Variants in STPG2 observed in about 807,000 individuals in gnomAD.
STPG2 encodes sperm tail PG-rich repeat containing 2, also known as sperm-tail PG-rich repeat-containing protein 2.
STPG2 carries 56 observed loss-of-function variants against 54.2 expected under a neutral mutation model. The observed-to-expected ratio is 1.03, with a 90% confidence interval of 0.83 to 1.29. The LOEUF is 1.29. Among genes scored for constraint, STPG2 ranks in the 50% most tolerant of loss-of-function variants. The pLI is 0.00. For synonymous variants in STPG2, 200 were observed against 181.8 expected, an observed-to-expected ratio of 1.10 and a Z score of -0.81; for missense variants, 596 against 544.9, an observed-to-expected ratio of 1.09 and a Z score of -0.93.
At chr4:97,785,044 G>T (rs796722250) in intron 9 of STPG2, among the ~76,000 whole-genome samples, 2 of 151,882 alleles carry the variant, frequency 1.3e-5, no homozygotes, top group African/African-American at 2.4e-5. Flanking sequence ...AAAGATAGAG[G>T]TGCTACAATT....
At chr4:97,505,697 T>C (rs1730829201) in intron 4 of STPG2, among the ~76,000 whole-genome samples, 1 of 151,886 alleles carries the variant, frequency 6.6e-6, no homozygotes, top group Non-Finnish European at 1.5e-5. Flanking sequence ...CTACTTTATA[T>C]TTTTTATTCC....
intron 9 of STPG2, among the ~76,000 whole-genome samples, chr4:97,766,333 T>G (rs1266116418): frequency 6.6e-6 from 1 of 152,128 alleles, no homozygotes; most frequent in Non-Finnish European, 1.5e-5. Context: ...TCAGACTGGA[T>G]GTGGCAATCA....
At chr4:98,078,534 A>G (rs2110113871) in intron 5 of STPG2, among the ~76,000 whole-genome samples, 1 of 152,034 alleles carries the variant, frequency 6.6e-6, no homozygotes, top group East Asian at 1.9e-4. Flanking sequence ...ACTTGTGGTG[A>G]CCCTGAACGT....
rs143223449 is a variant in STPG2 at position 98,041,331 on chromosome 4, C to T, written c.613-60013G>A. Among the ~76,000 whole-genome samples the T allele has an allele frequency of 3.8e-3, 577 of 151,990 alleles. 3 individuals carry two copies. Among genetic ancestry groups the T allele is most frequent in the African/African-American group, 0.013 (554 of 41,536 alleles). ...CAGATGTATTCTTTCTGTCTCTTGC[C>T]TGATTGCTCTGGCTAGAACTTTCCA... On this transcript the variant is annotated intron_variant, in intron 5 of 10. Transcript: ENST00000295268.
intron 9 of STPG2, among the ~76,000 whole-genome samples, chr4:97,748,676 T>C (rs188592317): frequency 6.6e-6 from 1 of 151,704 alleles, no homozygotes; most frequent in Non-Finnish European, 1.5e-5. Flanking sequence ...AAAGCCACCA[T>C]AGACAATTAT....
intron 9 of STPG2, among the ~76,000 whole-genome samples, chr4:97,790,883 G>C (rs1260342846): frequency 1.3e-5 from 2 of 152,072 alleles, no homozygotes; most frequent in African/African-American, 4.8e-5. Context: ...ATATTTACAG[G>C]TTCCAGGGAT....
intron 9 of STPG2, among the ~76,000 whole-genome samples, chr4:97,740,774 ATG>A (rs1486081398): frequency 6.6e-6 from 1 of 152,216 alleles, no homozygotes; most frequent in Non-Finnish European, 1.5e-5. Context: ...TATCGTGAAA[ATG>A]GCAATACTGC....
intron 7 of STPG2, among the ~76,000 whole-genome samples, chr4:97,946,568 T>C (rs1388341216): frequency 2.0e-5 from 3 of 152,176 alleles, no homozygotes; most frequent in East Asian, 3.9e-4. Context: ...TTGCTTTTTA[T>C]ATAAAATGAG....
chr4:97,697,401 T>C (rs1029682774), intron 10 of STPG2, among the ~76,000 whole-genome samples: 1 of 152,188 alleles, frequency 6.6e-6, no homozygotes, highest in Non-Finnish European at 1.5e-5. Flanking sequence ...ACTGGAGTGC[T>C]TGAAGGAGCT....
chr4:97,765,600 T>C (rs932435542), intron 9 of STPG2, among the ~76,000 whole-genome samples: 4 of 152,182 alleles, frequency 2.6e-5, no homozygotes, highest in Non-Finnish European at 5.9e-5. Flanking sequence ...TGAAGATATA[T>C]GGAGAAGAAC....
intron 9 of STPG2, among the ~76,000 whole-genome samples, chr4:97,796,499 T>A (rs889009507): frequency 3.3e-5 from 5 of 152,208 alleles, no homozygotes; most frequent in Admixed American, 3.3e-4. Flanking sequence ...TTGTCAAAGA[T>A]CAGATGGTAG....
chr4:97,968,724 C>T (rs564602395), intron 7 of STPG2, among the ~76,000 whole-genome samples: 1 of 152,296 alleles, frequency 6.6e-6, no homozygotes, highest in Admixed American at 6.5e-5. Context: ...AGGCCTTTGA[C>T]AAAATTCAAC....
At chr4:98,081,435 T>C (rs1738341470) in intron 5 of STPG2, among the ~76,000 whole-genome samples, 1 of 152,098 alleles carries the variant, frequency 6.6e-6, no homozygotes, top group African/African-American at 2.4e-5. Flanking sequence ...CTAAGGGGGT[T>C]CTCTTGTGAA....
intron 8 of STPG2, among the ~76,000 whole-genome samples, chr4:97,933,425 T>G (rs999515763): frequency 6.6e-5 from 10 of 152,210 alleles, no homozygotes; most frequent in African/African-American, 2.2e-4. Flanking sequence ...GATTTCATCA[T>G]AAAATCTTTG....
At chr4:97,620,941 G>A (rs1426053470) in intron 10 of STPG2, among the ~76,000 whole-genome samples, 1 of 152,022 alleles carries the variant, frequency 6.6e-6, no homozygotes, top group Non-Finnish European at 1.5e-5. Context: ...CATACTCATA[G>A]ACCACAGTGT....
In STPG2 at chr4:98,105,946, A is replaced by G; in HGVS notation, c.612+7T>C. On this transcript the variant is annotated splice_region_variant and intron_variant, in intron 5 of 10. Coordinates refer to ENST00000295268, the MANE Select transcript of STPG2 (RefSeq NM_174952.3). ...AAAATATATGCATTAGCCACTTTTCAACTTACCTTTTTTTTCTCCTGCAAT... is the reference window on the plus strand; with the variant it reads ...AAAATATATGCATTAGCCACTTTTCGACTTACCTTTTTTTTCTCCTGCAAT... The G allele has an allele frequency of 6.4e-7, 1 of 1,555,154 alleles. No individual in the cohort carries two copies.
chr4:97,450,352 T>C (rs997399331), intron 4 of STPG2, among the ~76,000 whole-genome samples: 4 of 152,114 alleles, frequency 2.6e-5, no homozygotes, highest in Non-Finnish European at 2.9e-5. Context: ...AATAAAATTG[T>C]CAGCCAAAAA....
At chr4:97,481,563 A>G (rs965696902) in intron 4 of STPG2, among the ~76,000 whole-genome samples, 4 of 151,580 alleles carry the variant, frequency 2.6e-5, no homozygotes, top group African/African-American at 9.7e-5. Flanking sequence ...CAGGTCTAAC[A>G]TGTTTTGTTA....
intron 5 of STPG2, among the ~76,000 whole-genome samples, chr4:98,005,110 C>T (rs758465585): frequency 2.6e-5 from 4 of 152,058 alleles, no homozygotes; most frequent in Admixed American, 1.3e-4. Flanking sequence ...TTCAGTCTGA[C>T]GTTCAAGGGC....
Sources: allele counts gnomAD v4.1 joint callset (sites outside exome capture counted in the v4.1 genomes callset), GRCh38; gene constraint gnomAD v4.1.1; transcripts MANE v1.5; gene names NCBI Gene and HGNC (gene_info 2026-07-23, HGNC 2026-07-21).